Variants in COPS4 observed in about 807,000 individuals in gnomAD.
COPS4 encodes the protein COP9 signalosome subunit 4.
Under a neutral mutation model 55.1 loss-of-function variants are expected in COPS4, and 8 were observed. The ratio of observed to expected loss-of-function variants is 0.15; its 90% confidence interval spans 0.09 to 0.26. The LOEUF is 0.26. Ranked by LOEUF, COPS4 falls within the 10% of genes least tolerant of loss-of-function variation. The pLI, the probability that COPS4 is intolerant of heterozygous loss-of-function variation, is 1.00. For missense variants in COPS4, 248 were observed against 484.0 expected (o/e 0.51, Z 4.58); for synonymous variants, 185 against 165.7 (o/e 1.12, Z -0.90).
At chr4:83,070,497 G>A (rs1467454963) in intron 9 of COPS4, among the ~76,000 whole-genome samples, 2 of 152,134 alleles carry the variant, frequency 1.3e-5, no homozygotes, top group African/African-American at 2.4e-5. Flanking sequence ...TCCCAAAACT[G>A]TATTGTTAGC....
Position 83,068,418 on chromosome 4 carries a change from G to T in COPS4, c.1003-20G>T, listed in dbSNP as rs1171149620. 12 of 1,500,176 alleles carry T rather than the reference G, an allele frequency of 8.0e-6. No individual in the cohort carries two copies. The highest frequency in any genetic ancestry group is 1.4e-5 in the African/African-American group (1 of 71,798). 92.9% of individuals were successfully genotyped at this position (1,500,176 alleles called of 1,614,324 possible). On this transcript the variant is annotated intron_variant, in intron 8 of 9. Coordinates refer to ENST00000264389, the MANE Select transcript of COPS4 (RefSeq NM_016129.3). ...AAAAGATATGATAAAGTTTCTGAGA[G>T]TTTTTTTTTCCCCCAATAGGCGGAA...
chr4:83,047,963 T>G lies in COPS4; in HGVS notation c.155-1203T>G, dbSNP rs543768543. Among the ~76,000 whole-genome samples, 171 of 149,992 alleles carry G rather than the reference T, an allele frequency of 1.1e-3. 1 individual carries two copies. Among genetic ancestry groups the G allele is most frequent in the African/African-American group, 4.1e-3 (166 of 40,630 alleles). ...TTGCAGTGAGCCAAGATGGTGCCACTGCACTCCAGCCTGGGCGACAGAGCG... is the reference window on the plus strand; with the variant it reads ...TTGCAGTGAGCCAAGATGGTGCCACGGCACTCCAGCCTGGGCGACAGAGCG... On this transcript the variant is annotated intron_variant, in intron 2 of 9. Coordinates refer to ENST00000264389, the MANE Select transcript of COPS4 (RefSeq NM_016129.3).
intron 4 of COPS4, among the ~76,000 whole-genome samples, chr4:83,053,779 G>A (rs1480009839): frequency 7.1e-6 from 1 of 141,514 alleles, no homozygotes; most frequent in Non-Finnish European, 1.5e-5. Context: ...TGTGGAGGTT[G>A]CAGTGAGCCG....
chr4:83,043,042 G>A lies in COPS4; in HGVS notation c.75-2584G>A, dbSNP rs112941841. Among the ~76,000 whole-genome samples the A allele has an allele frequency of 7.4e-3, 1,130 of 151,994 alleles. 20 individuals carry two copies. Among genetic ancestry groups the A allele is most frequent in the African/African-American group, 0.026 (1,081 of 41,448 alleles). ...TAGGATTACAGGCATGAGCCACTGC[G>A]ACTGGCCCTCAATTTATTCATTTAT... On this transcript the variant is annotated intron_variant, in intron 1 of 9. Coordinates refer to ENST00000264389, the MANE Select transcript of COPS4 (RefSeq NM_016129.3).
chr4:83,075,358 C>T lies in COPS4; in HGVS notation c.1149C>T (p.Asn383=). ...QIQSLCFQVN[N]LLEKISQTAP... is the part of the protein sequence containing the mutation. ...AATCACTTTGTTTCCAAGTGAATAA[C>T]CTTTTGGAGAAAATTAGTCAAACAG... Residue 383 remains asparagine (N), a synonymous_variant, in exon 10 of 10, where the codon AAC becomes AAT. Transcript: ENST00000264389. The T allele has an allele frequency of 6.2e-7, 1 of 1,614,102 alleles. No individual in the cohort carries two copies. The highest frequency in any genetic ancestry group is 8.5e-7 in the Non-Finnish European group (1 of 1,180,006).
At chr4:83,065,565 G>A (rs1218284442) in intron 7 of COPS4, among the ~76,000 whole-genome samples, 5 of 152,188 alleles carry the variant, frequency 3.3e-5, no homozygotes, top group African/African-American at 1.2e-4. Context: ...GTAGTTAAAT[G>A]TTCAGCAGAA....
intron 2 of COPS4, among the ~76,000 whole-genome samples, chr4:83,048,029 G>C (rs923395473): frequency 6.6e-6 from 1 of 151,630 alleles, no homozygotes; most frequent in Non-Finnish European, 1.5e-5. Context: ...TAATAAAAAA[G>C]ACTTGAATAA....
chr4:83,053,642 A>G (rs1460716962), intron 4 of COPS4, among the ~76,000 whole-genome samples: 2 of 151,898 alleles, frequency 1.3e-5, no homozygotes, highest in Non-Finnish European at 2.9e-5. Context: ...GGAGCTTGAG[A>G]TCAGCCTGGC....
At chr4:83,036,262 C>A (rs1363580471) in intron 1 of COPS4, among the ~76,000 whole-genome samples, 1 of 149,558 alleles carries the variant, frequency 6.7e-6, no homozygotes, top group Non-Finnish European at 1.5e-5. Context: ...AGTGAGACCC[C>A]CCCCCCCGCC....
At chr4:83,059,479 A>G (rs1433886010) in intron 6 of COPS4, among the ~76,000 whole-genome samples, 1 of 152,200 alleles carries the variant, frequency 6.6e-6, no homozygotes, top group African/African-American at 2.4e-5. Context: ...ACTGATTATT[A>G]GAAATTAAAT....
intron 1 of COPS4, among the ~76,000 whole-genome samples, chr4:83,040,542 A>G (rs950833395): frequency 5.9e-5 from 9 of 152,314 alleles, no homozygotes; most frequent in Admixed American, 4.6e-4. Context: ...TCTGCCAGAA[A>G]TGGCAGCTTG....
intron 6 of COPS4, among the ~76,000 whole-genome samples, chr4:83,058,010 G>T (rs1384683352): frequency 6.7e-6 from 1 of 149,146 alleles, no homozygotes; most frequent in Admixed American, 6.7e-5. Context: ...TGAGAATTAC[G>T]CAGAGTGAAA....
chr4:83,056,778 G>A (rs1436640824), intron 4 of COPS4, 148 bp from the exon 5 acceptor site: 9 of 581,114 alleles, frequency 1.5e-5, no homozygotes, highest in South Asian at 7.7e-5. Flanking sequence ...CAGCCTGGGC[G>A]ACAGAGCAAG....
rs759023199 is a variant in COPS4 at position 83,049,930 on chromosome 4, A to G, written c.356A>G (p.Asp119Gly). The change falls in exon 4 of 10, where the codon GAT becomes GGT. Residue 119 changes from aspartate (D) to glycine (G), a missense_variant. By Grantham distance (94) the Asp-to-Gly change is moderately conservative. Transcript: ENST00000264389. ...HLASIYEKEE[D>G]WRNAAQVLVG... ...GCATCTATATATGAGAAAGAAGAAG[A>G]TTGGAGAAATGCAGCCCAAGTGTTG... The G allele has an allele frequency of 3.7e-6, 6 of 1,612,164 alleles. No individual in the cohort carries two copies. The highest frequency in any genetic ancestry group is 5.1e-6 in the Non-Finnish European group (6 of 1,179,230).
intron 9 of COPS4, among the ~76,000 whole-genome samples, chr4:83,069,309 C>G (rs1731362670): frequency 6.6e-6 from 1 of 152,160 alleles, no homozygotes; most frequent in Admixed American, 6.5e-5. Flanking sequence ...TCACTCTGGC[C>G]ATAACCTTTT....
intron 9 of COPS4, among the ~76,000 whole-genome samples, chr4:83,073,647 C>T (rs1731493706): frequency 1.3e-5 from 2 of 152,104 alleles, no homozygotes; most frequent in Non-Finnish European, 2.9e-5. Context: ...TTATCTTTTG[C>T]CCTTTATTAA....
At chr4:83,045,559 C>T (rs761273518) in intron 1 of COPS4, 67 bp from the exon 2 acceptor site, 1 of 1,211,728 alleles carries the variant, frequency 8.3e-7, no homozygotes, top group African/African-American at 1.5e-5. Flanking sequence ...TGAATAAATA[C>T]ACATCAAAGT....
chr4:83,062,966 T>C, intron 6 of COPS4, 110 bp from the exon 7 acceptor site: 1 of 864,550 alleles, frequency 1.2e-6, no homozygotes, highest in East Asian at 2.8e-5. Context: ...TAATGAATAC[T>C]GGCTGTATAT....
At chr4:83,051,098 CAAAAA>C (rs536123309) in intron 4 of COPS4, among the ~76,000 whole-genome samples, 1 of 102,926 alleles carries the variant, frequency 9.7e-6, no homozygotes, top group Admixed American at 1.0e-4. Context: ...CCATCTCCAC[CAAAAA>C]AAAAAAAAAA....
Sources: allele counts gnomAD v4.1 joint callset (sites outside exome capture counted in the v4.1 genomes callset), GRCh38; gene constraint gnomAD v4.1.1; transcripts MANE v1.5; gene names NCBI Gene and HGNC (gene_info 2026-07-23, HGNC 2026-07-21).